The following MVB12B variants were observed in gnomAD, a reference collection of about 807,000 sequenced individuals.
The protein encoded by MVB12B is ESCRT-I complex subunit MVB12B.
A neutral mutation model predicts 41.6 loss-of-function variants in MVB12B; 16 were observed. The observed-to-expected ratio is 0.38, with a 90% CI of 0.26 to 0.58. The LOEUF (loss-of-function observed/expected upper bound fraction) is 0.58, where lower values mean the gene tolerates loss of function less well. MVB12B is among the 20% of genes least tolerant of loss of function. The probability of loss-of-function intolerance (pLI) is 0.62; values close to 1 mark genes in which losing one functional copy is unlikely to be tolerated. For synonymous variants in MVB12B, 133 were observed against 139.7 expected, an observed-to-expected ratio of 0.95 and a Z score of 0.34; for missense variants, 274 against 380.2, an observed-to-expected ratio of 0.72 and a Z score of 2.32.
chr9:126,345,431 A>C (rs1183243283), intron 2 of MVB12B, among the ~76,000 whole-genome samples: 1 of 152,238 alleles, frequency 6.6e-6, no homozygotes, highest in Non-Finnish European at 1.5e-5. Flanking sequence ...ACTCTTTCTG[A>C]AAGTCCAGGT....
At chr9:126,372,138 G>A (rs1830358595) in intron 2 of MVB12B, among the ~76,000 whole-genome samples, 1 of 152,216 alleles carries the variant, frequency 6.6e-6, no homozygotes, top group African/African-American at 2.4e-5. Flanking sequence ...AATGTAATAT[G>A]TGGTCTTTTG....
rs553284734 is a variant in MVB12B at position 126,463,235 on chromosome 9, C to T, written c.758-18134C>T. On this transcript the variant is annotated intron_variant, in intron 7 of 9. Transcript: ENST00000361171. Reference sequence around the variant, plus strand: ...TGGTGTGTGTTCTCCTGCCTCCCGTCTCCAAGAGGCGTGAGTTCTAAGGGC... The same window carrying T: ...TGGTGTGTGTTCTCCTGCCTCCCGTTTCCAAGAGGCGTGAGTTCTAAGGGC... Among the ~76,000 whole-genome samples the T allele has an allele frequency of 5.3e-5, 8 of 152,268 alleles. No individual in the cohort carries two copies. The East Asian group carries it at 1.6e-3, about 30-fold the overall frequency.
chr9:126,411,464 C>T (rs547383037), intron 6 of MVB12B, among the ~76,000 whole-genome samples: 1 of 152,148 alleles, frequency 6.6e-6, no homozygotes. Flanking sequence ...CCTTGTGTGC[C>T]TGTTGATACT....
chr9:126,368,530 T>TA (rs1173836784), intron 2 of MVB12B, among the ~76,000 whole-genome samples: 3 of 152,018 alleles, frequency 2.0e-5, no homozygotes, highest in East Asian at 1.9e-4. Flanking sequence ...TAAAATTTTT[T>TA]AAAAAAAATC....
chr9:126,374,442 C>T (rs1457118117), intron 2 of MVB12B, among the ~76,000 whole-genome samples: 1 of 152,228 alleles, frequency 6.6e-6, no homozygotes, highest in African/African-American at 2.4e-5. Flanking sequence ...GCTTCCTGAA[C>T]GCACATCATC....
chr9:126,326,878 C>T lies in MVB12B; in HGVS notation c.-52C>T, dbSNP rs1828983598. On this transcript the variant is annotated 5_prime_UTR_variant, in exon 1 of 10. Transcript: ENST00000361171. ...GAGGCTCGCGCTCGAGCTGCGGCGC[C>T]GGCTCCTGCCGCCTGGGCCCCGGGC... 1.2e-5 allele frequency: 2 copies of T among 168,116 alleles called. No individual in the cohort carries two copies. Among genetic ancestry groups the T allele is most frequent in the Non-Finnish European group, 2.4e-5 (2 of 83,116 alleles). The allele number at this position is 168,116 out of a possible 1,614,324, so 10.4% of individuals were successfully genotyped here.
At chr9:126,382,613 C>T (rs1830668136) in intron 3 of MVB12B, among the ~76,000 whole-genome samples, 1 of 152,090 alleles carries the variant, frequency 6.6e-6, no homozygotes, top group Non-Finnish European at 1.5e-5. Context: ...CAGGAGTGGG[C>T]TGAAGGCTGA....
At chr9:126,490,189 G>A (rs967378716) in intron 9 of MVB12B, among the ~76,000 whole-genome samples, 4 of 152,124 alleles carry the variant, frequency 2.6e-5, no homozygotes, top group Non-Finnish European at 5.9e-5. Flanking sequence ...ATTCCCCATC[G>A]CAACCAGGGT....
chr9:126,378,134 T>C (rs7029892), intron 2 of MVB12B, among the ~76,000 whole-genome samples: 124,684 of 151,678 alleles, frequency 0.82, 51,728 homozygotes, highest in African/African-American at 0.91. Flanking sequence ...CACCCCACCT[T>C]ACCCCAGCTT....
At chr9:126,380,535 C>G (rs1183249704) in intron 2 of MVB12B, among the ~76,000 whole-genome samples, 5 of 152,192 alleles carry the variant, frequency 3.3e-5, no homozygotes, top group African/African-American at 9.6e-5. Context: ...AGGGCTTGTA[C>G]CAAGAGGACG....
intron 3 of MVB12B, among the ~76,000 whole-genome samples, chr9:126,385,377 A>G (rs1054302310): frequency 6.6e-6 from 1 of 152,216 alleles, no homozygotes; most frequent in Non-Finnish European, 1.5e-5. Flanking sequence ...AAGAGGGAAC[A>G]TAACACAGTT....
At chr9:126,437,058 G>T (rs1406073033) in intron 7 of MVB12B, among the ~76,000 whole-genome samples, 2 of 152,094 alleles carry the variant, frequency 1.3e-5, no homozygotes, top group Non-Finnish European at 2.9e-5. Flanking sequence ...GTACAAAATT[G>T]CTGTTCTTTG....
Sources: gnomAD v4.1 joint callset for allele counts (sites outside exome capture counted in the v4.1 genomes callset) on GRCh38, gnomAD v4.1.1 for gene constraint, MANE v1.5 for transcripts, NCBI Gene and HGNC (gene_info 2026-07-23, HGNC 2026-07-21) for gene names.